BMAL1: variants seen among roughly 807,000 people sequenced by gnomAD.
BMAL1 encodes the protein basic helix-loop-helix ARNT like 1.
the BMAL1 span, chr11:13,358,630 CA>C: frequency 1.3e-6 from 2 of 1,497,932 alleles, no homozygotes; most frequent in Admixed American, 2.3e-5. Flanking sequence ...TGTCCTTGCC[CA>C]CAAATGTTAC....
the BMAL1 span, among the ~76,000 whole-genome samples, chr11:13,328,666 T>C: frequency 6.6e-6 from 1 of 152,222 alleles, no homozygotes; most frequent in Non-Finnish European, 1.5e-5. Context: ...GGATTTTGGG[T>C]GCCAGAACTG....
chr11:13,332,953 C>T, the BMAL1 span, among the ~76,000 whole-genome samples: 7 of 145,764 alleles, frequency 4.8e-5, no homozygotes, highest in African/African-American at 1.5e-4. Context: ...CATTAGTCAT[C>T]GATACTGTCT....
the BMAL1 span, among the ~76,000 whole-genome samples, chr11:13,280,471 G>A: frequency 9.8e-5 from 15 of 152,356 alleles, no homozygotes; most frequent in African/African-American, 3.6e-4. Flanking sequence ...GGGTTATAAT[G>A]TATCTGAGCT....
chr11:13,384,465 T>A, the BMAL1 span, among the ~76,000 whole-genome samples: 1 of 152,220 alleles, frequency 6.6e-6, no homozygotes, highest in Non-Finnish European at 1.5e-5. Context: ...AAAACATTCA[T>A]TGATATGGTT....
At chr11:13,291,623 A>G in the BMAL1 span, among the ~76,000 whole-genome samples, 1 of 152,236 alleles carries the variant, frequency 6.6e-6, no homozygotes, top group African/African-American at 2.4e-5. Flanking sequence ...TTGTGACTTA[A>G]TTCACTCTCT....
At chr11:13,352,901 C>T in the BMAL1 span, among the ~76,000 whole-genome samples, 1 of 152,220 alleles carries the variant, frequency 6.6e-6, no homozygotes, top group Non-Finnish European at 1.5e-5. Context: ...AGGCAGGCAC[C>T]CTGCCCAACC....
At chr11:13,385,678 T>A in the BMAL1 span, 7 of 1,591,910 alleles carry the variant, frequency 4.4e-6, no homozygotes, top group Non-Finnish European at 6.0e-6. Flanking sequence ...CTTCCCTCCT[T>A]TTGTTTGTAG....
At chr11:13,288,424 C>T in the BMAL1 span, among the ~76,000 whole-genome samples, 1,320 of 113,636 alleles carry the variant, frequency 0.012, 61 homozygotes, top group Admixed American at 0.029. Flanking sequence ...CTTTTTTTTT[C>T]TTTTTTTTTT....
the BMAL1 span, among the ~76,000 whole-genome samples, chr11:13,328,477 C>T: frequency 2.0e-5 from 3 of 152,302 alleles, no homozygotes; most frequent in Non-Finnish European, 1.5e-5. Flanking sequence ...AGCAAGCCTG[C>T]CACATCCAGC....
At chr11:13,356,500 A>G in the BMAL1 span, among the ~76,000 whole-genome samples, 10 of 152,306 alleles carry the variant, frequency 6.6e-5, no homozygotes, top group African/African-American at 2.2e-4. Flanking sequence ...TTAACACACA[A>G]ACTCTTTTGA....
At chr11:13,333,901 C>T in the BMAL1 span, among the ~76,000 whole-genome samples, 2,432 of 152,290 alleles carry the variant, frequency 0.016, 66 homozygotes, top group African/African-American at 0.055. Context: ...CATCCTTTCC[C>T]TCTCCACCCA....
the BMAL1 span, chr11:13,378,767 G>C: frequency 3.4e-6 from 1 of 293,588 alleles, no homozygotes; most frequent in Non-Finnish European, 6.3e-6. Flanking sequence ...TTCTTGAGAA[G>C]ACTTAACTTT....
chr11:13,316,473 C>T, the BMAL1 span, among the ~76,000 whole-genome samples: 2 of 152,194 alleles, frequency 1.3e-5, no homozygotes, highest in Non-Finnish European at 2.9e-5. Context: ...TTTTCTCCCC[C>T]GCTGATCTGA....
At chr11:13,373,953 C>T in the BMAL1 span, 1 of 620,046 alleles carries the variant, frequency 1.6e-6, no homozygotes, top group African/African-American at 1.9e-5. Flanking sequence ...ACACAGTGAG[C>T]CCTCTGAAAA....
At chr11:13,282,270 G>A in the BMAL1 span, among the ~76,000 whole-genome samples, 1 of 152,292 alleles carries the variant, frequency 6.6e-6, no homozygotes, top group African/African-American at 2.4e-5. Flanking sequence ...CTATGCCTTG[G>A]TGTCCTCATC....
the BMAL1 span, among the ~76,000 whole-genome samples, chr11:13,378,064 T>G: frequency 2.6e-5 from 4 of 152,164 alleles, no homozygotes; most frequent in Non-Finnish European, 4.4e-5. Flanking sequence ...GCACATACAG[T>G]GGTCTTCAAT....
the BMAL1 span, among the ~76,000 whole-genome samples, chr11:13,327,959 C>T: frequency 6.6e-6 from 1 of 151,128 alleles, no homozygotes; most frequent in African/African-American, 2.4e-5. Context: ...TGAAGGGTGT[C>T]ATGTTTCTGC....
At chr11:13,298,242 A>G in the BMAL1 span, among the ~76,000 whole-genome samples, 13,260 of 152,222 alleles carry the variant, frequency 0.087, 795 homozygotes, top group East Asian at 0.2. Context: ...CTCCAGCCAC[A>G]GTGGAATCCG....
the BMAL1 span, among the ~76,000 whole-genome samples, chr11:13,284,017 C>A: frequency 6.6e-6 from 1 of 150,862 alleles, no homozygotes; most frequent in African/African-American, 2.4e-5. Flanking sequence ...AGGTCCCTCA[C>A]CTTCGTCCTT....
Sources: gnomAD v4.1 joint callset for allele counts (sites outside exome capture counted in the v4.1 genomes callset) on GRCh38, gnomAD v4.1.1 for gene constraint, MANE v1.5 for transcripts, NCBI Gene and HGNC (gene_info 2026-07-23, HGNC 2026-07-21) for gene names.